The following IL1RAPL2 variants were observed in gnomAD, a reference collection of about 807,000 sequenced individuals.
IL1RAPL2 encodes X-linked interleukin-1 receptor accessory protein-like 2.
Under a neutral mutation model 44.1 loss-of-function variants are expected in IL1RAPL2, and 3 were observed. That is an observed-to-expected ratio of 0.07 (90% CI 0.03 to 0.18). The LOEUF (loss-of-function observed/expected upper bound fraction) is 0.18. Among genes scored for constraint, IL1RAPL2 ranks in the 10% least tolerant of loss-of-function variants. The pLI, the probability that IL1RAPL2 is intolerant of heterozygous loss-of-function variation, is 1.00. For missense variants in IL1RAPL2, 391 were observed against 496.4 expected (o/e 0.79, Z 2.02); for synonymous variants, 181 against 178.8 (o/e 1.01, Z -0.10).
intron 2 of IL1RAPL2, among the ~76,000 whole-genome samples, chrX:105,095,858 TAAC>T (rs1319888262): frequency 1.8e-5 from 2 of 111,412 alleles, no homozygotes; most frequent in Non-Finnish European, 3.8e-5. Context: ...TCATAAAAAT[TAAC>T]AACCTTTATG....
chrX:105,005,210 G>A (rs762214607), intron 2 of IL1RAPL2, among the ~76,000 whole-genome samples: 1 of 111,461 alleles, frequency 9.0e-6, no homozygotes, highest in South Asian at 3.8e-4. Context: ...TAAGTTTAAT[G>A]AGGAGAAGAA....
chrX:105,738,846 G>A (rs1174085770), intron 7 of IL1RAPL2, among the ~76,000 whole-genome samples: 2 of 110,779 alleles, frequency 1.8e-5, no homozygotes, highest in African/African-American at 6.6e-5. Flanking sequence ...TTTAAAAAAA[G>A]CAAGGCTAGG....
chrX:104,734,433 G>A (rs1931978362), intron 2 of IL1RAPL2, among the ~76,000 whole-genome samples: 3 of 112,392 alleles, frequency 2.7e-5, no homozygotes, highest in Non-Finnish European at 5.6e-5. Flanking sequence ...AACATATTGT[G>A]GTGTATCTAC....
At chrX:104,999,363 A>G (rs187623105) in intron 2 of IL1RAPL2, among the ~76,000 whole-genome samples, 96 of 110,949 alleles carry the variant, frequency 8.7e-4, no homozygotes, top group African/African-American at 3.0e-3. Flanking sequence ...GACAGTGGAG[A>G]AGGTGTGAAA....
chrX:105,392,455 A>G (rs1287829697), intron 5 of IL1RAPL2, among the ~76,000 whole-genome samples: 1 of 112,071 alleles, frequency 8.9e-6, no homozygotes, highest in Non-Finnish European at 1.9e-5. Flanking sequence ...GTCGAGCTCT[A>G]GACCAGGTAT....
chrX:104,638,676 G>T, intron 1 of IL1RAPL2, among the ~76,000 whole-genome samples: 1 of 111,827 alleles, frequency 8.9e-6, no homozygotes, highest in East Asian at 2.8e-4. Context: ...CAAAGTTCTT[G>T]TTTGTATTGA....
chrX:104,614,680 T>A (rs912587222), intron 1 of IL1RAPL2, among the ~76,000 whole-genome samples: 58 of 112,004 alleles, frequency 5.2e-4, no homozygotes, highest in African/African-American at 1.9e-3. Context: ...GAAGTACTTG[T>A]TTTATGAATT....
intron 2 of IL1RAPL2, among the ~76,000 whole-genome samples, chrX:104,953,957 T>C (rs751739060): frequency 5.4e-5 from 6 of 111,666 alleles, no homozygotes; most frequent in African/African-American, 1.3e-4. Flanking sequence ...GTGAGGAGGA[T>C]AGAAGTTAGA....
At chrX:104,711,608 C>T (rs1389854506) in intron 2 of IL1RAPL2, among the ~76,000 whole-genome samples, 1 of 109,216 alleles carries the variant, frequency 9.2e-6, no homozygotes, top group African/African-American at 3.3e-5. Context: ...GAGATAGAGG[C>T]TAGTGGCATG....
intron 2 of IL1RAPL2, among the ~76,000 whole-genome samples, chrX:105,076,653 T>G (rs2032308966): frequency 9.0e-6 from 1 of 111,429 alleles, no homozygotes; most frequent in South Asian, 3.8e-4. Flanking sequence ...TGTTAAAATC[T>G]CCCATTATTA....
At chrX:105,128,213 T>C (rs1296330512) in intron 2 of IL1RAPL2, among the ~76,000 whole-genome samples, 1 of 110,430 alleles carries the variant, frequency 9.1e-6, no homozygotes, top group Non-Finnish European at 1.9e-5. Context: ...ATCTCCTCTT[T>C]GCCTTAAGAC....
intron 6 of IL1RAPL2, among the ~76,000 whole-genome samples, chrX:105,700,710 CTTGT>C (rs1458885873): frequency 9.0e-6 from 1 of 111,402 alleles, no homozygotes; most frequent in African/African-American, 3.3e-5. Flanking sequence ...TGGTCTAGAA[CTTGT>C]TTATTAGACT....
chrX:105,701,628 T>G (rs112787863), intron 6 of IL1RAPL2, among the ~76,000 whole-genome samples: 1,875 of 110,737 alleles, frequency 0.017, 50 homozygotes, highest in African/African-American at 0.058. Flanking sequence ...CTGCCTGCCT[T>G]CCTGCCAAGT....
intron 5 of IL1RAPL2, among the ~76,000 whole-genome samples, chrX:105,290,611 G>A (rs1452426681): frequency 8.9e-6 from 1 of 111,855 alleles, no homozygotes; most frequent in Non-Finnish European, 1.9e-5. Context: ...TGTATTGGAG[G>A]AGTTGATGGT....
chrX:105,116,710 T>C (rs1187184980), intron 2 of IL1RAPL2, among the ~76,000 whole-genome samples: 1 of 112,606 alleles, frequency 8.9e-6, no homozygotes, highest in Non-Finnish European at 1.9e-5. Flanking sequence ...TTTTGAAGAT[T>C]AAAAAAATAT....
intron 6 of IL1RAPL2, among the ~76,000 whole-genome samples, chrX:105,564,567 A>G (rs777576107): frequency 4.4e-5 from 5 of 112,495 alleles, no homozygotes; most frequent in Non-Finnish European, 5.6e-5. Flanking sequence ...CCTTAATGAA[A>G]TAACTTTAGA....
At chrX:104,907,146 A>T (rs1183932315) in intron 2 of IL1RAPL2, among the ~76,000 whole-genome samples, 1 of 110,844 alleles carries the variant, frequency 9.0e-6, no homozygotes, top group Non-Finnish European at 1.9e-5. Context: ...ATCAGTGGTG[A>T]TATCCCCTTT....
intron 2 of IL1RAPL2, among the ~76,000 whole-genome samples, chrX:105,080,021 C>T (rs2032380394): frequency 8.9e-6 from 1 of 112,045 alleles, no homozygotes; most frequent in Non-Finnish European, 1.9e-5. Context: ...CTGTTCATAT[C>T]CTTCACCTGA....
chrX:104,839,681 C>T (rs764928713), intron 2 of IL1RAPL2, among the ~76,000 whole-genome samples: 3 of 111,692 alleles, frequency 2.7e-5, no homozygotes, highest in African/African-American at 6.5e-5. Flanking sequence ...CGTCTTTGTA[C>T]GTCTGGTAGA....
Sources: gnomAD v4.1 joint callset for allele counts (sites outside exome capture counted in the v4.1 genomes callset) on GRCh38, gnomAD v4.1.1 for gene constraint, MANE v1.5 for transcripts, NCBI Gene and HGNC (gene_info 2026-07-23, HGNC 2026-07-21) for gene names.